KCNK12: variants seen among roughly 807,000 people sequenced by gnomAD.
The protein encoded by KCNK12 is potassium channel subfamily K member 12.
KCNK12 carries 6 observed loss-of-function variants against 25.3 expected under a neutral mutation model. The ratio of observed to expected loss-of-function variants is 0.24; its 90% CI spans 0.13 to 0.47. The LOEUF (loss-of-function observed/expected upper bound fraction) is 0.47, where lower values mean the gene tolerates loss of function less well. Ranked by LOEUF, KCNK12 falls within the 20% of genes least tolerant of loss-of-function variation. The probability of loss-of-function intolerance (pLI) is 0.99; values close to 1 mark genes in which losing one functional copy is unlikely to be tolerated. For missense variants in KCNK12, 444 were observed against 661.7 expected, an observed-to-expected ratio of 0.67 and a Z score of 3.61; for synonymous variants, 331 against 311.1, an observed-to-expected ratio of 1.06 and a Z score of -0.67.
chr2:47,534,432 G>GC (rs11406660), intron 1 of KCNK12, among the ~76,000 whole-genome samples: 78,885 of 117,220 alleles, frequency 0.67, 27,663 homozygotes, highest in East Asian at 0.86. Flanking sequence ...CCGTCTCCAG[G>GC]CCCCCCCCAC....
chr2:47,525,472 G>A lies in KCNK12; in HGVS notation c.392-3664C>T, dbSNP rs1258520197. On this transcript the variant is annotated intron_variant, in intron 1 of 1. Transcript: ENST00000327876. The surrounding 1 kb of genome is among the most constrained non-coding windows in gnomAD (Gnocchi z 4.1). ...CTGGGAGAACCCGGCAGTGTCCCCT[G>A]GAGTCCAGAGCTGTGCTGGAGAGTT... Among the ~76,000 whole-genome samples the A allele has an allele frequency of 1.3e-5, 2 of 152,230 alleles. No individual in the cohort carries two copies. Among genetic ancestry groups the A allele is most frequent in the African/African-American group, 2.4e-5 (1 of 41,462 alleles).
In KCNK12 at chr2:47,560,564, G is replaced by C. The variant is rs982451226; in HGVS notation, c.391+9377C>G. 6.6e-6 allele frequency among the ~76,000 whole-genome samples: 1 copy of C among 152,222 alleles called. No homozygotes were observed. On this transcript the variant is annotated intron_variant, in intron 1 of 1. Transcript: ENST00000327876. The surrounding 1 kb of genome is among the most constrained non-coding windows in gnomAD (Gnocchi z 4.7). ...AGACAGCAGAGATCTTGAGCAGTCA[G>C]GAGCCGTGGATCCTCTATTCTGCCA...
intron 1 of KCNK12, among the ~76,000 whole-genome samples, chr2:47,530,113 C>T (rs1026247635): frequency 4.6e-5 from 7 of 152,154 alleles, no homozygotes; most frequent in African/African-American, 1.7e-4. Context: ...ACCCAAGGCT[C>T]ACACAAGGCT....
In KCNK12 at chr2:47,516,155, C is replaced by T. The variant is rs142234854; in HGVS notation, c.*4752G>A. ...TTTCTAAGTGGACGCTCTTTCTACACCACCATAATGTGAGTGTTCTGTGTT... is the reference window on the plus strand; with the variant it reads ...TTTCTAAGTGGACGCTCTTTCTACATCACCATAATGTGAGTGTTCTGTGTT... On this transcript the variant is annotated 3_prime_UTR_variant, in exon 2 of 2. Coordinates refer to ENST00000327876, the MANE Select transcript of KCNK12 (RefSeq NM_022055.2). 1.7e-3 allele frequency among the ~76,000 whole-genome samples: 252 copies of T among 152,312 alleles called. No homozygotes were observed. Among genetic ancestry groups the T allele is most frequent in the East Asian group, 7.9e-3 (41 of 5,182 alleles).
At chr2:47,552,115 G>C (rs1669447338) in intron 1 of KCNK12, among the ~76,000 whole-genome samples, 1 of 152,182 alleles carries the variant, frequency 6.6e-6, no homozygotes, top group African/African-American at 2.4e-5. Flanking sequence ...AGCTATAAAA[G>C]AATAAGCTTT....
At position 47,560,723 on chromosome 2, in the gene KCNK12, A is replaced by G. The variant is rs956014505; in HGVS notation, c.391+9218T>C. Among the ~76,000 whole-genome samples, 7 of 152,234 alleles carry G rather than the reference A, an allele frequency of 4.6e-5. No individual in the cohort carries two copies. The highest frequency in any genetic ancestry group is 8.8e-5 in the Non-Finnish European group (6 of 68,032). On this transcript the variant is annotated intron_variant, in intron 1 of 1. Transcript: ENST00000327876. This position sits in a 1 kb window ranked among gnomAD's most constrained non-coding sequence, Gnocchi z 4.7. The stretch of plus-strand genomic sequence containing the variant: ...ACTGAGTAAACACAGATAAAAACAC[A>G]GTGAACTGGCAAACATGACATGTGG...
intron 1 of KCNK12, among the ~76,000 whole-genome samples, chr2:47,559,528 C>A (rs1669620818): frequency 6.6e-6 from 1 of 152,204 alleles, no homozygotes; most frequent in Non-Finnish European, 1.5e-5. Context: ...CAGAAATTAC[C>A]TCTTTGCTGC....
In KCNK12 at chr2:47,536,834, T is replaced by A. The variant is rs529041348; in HGVS notation, c.392-15026A>T. Among the ~76,000 whole-genome samples, 3 of 152,346 alleles carry A rather than the reference T, an allele frequency of 2.0e-5. No homozygotes were observed. In the South Asian group the frequency reaches 6.2e-4, roughly 32 times the overall value. ...GAAGTACTTCTATGACTGGGCATCT[T>A]AATTCTTAGCTGGAAGATGGGAACG... On this transcript the variant is annotated intron_variant, in intron 1 of 1. Transcript: ENST00000327876.
rs73929217 is a variant in KCNK12 at position 47,554,312 on chromosome 2, T to C, written c.391+15629A>G. On this transcript the variant is annotated intron_variant, in intron 1 of 1. Coordinates refer to ENST00000327876, the MANE Select transcript of KCNK12 (RefSeq NM_022055.2). Reference sequence around the variant, plus strand: ...CAGGATGATTTCCAAAAACGGTACATGTTCTAAGGACAATAAGGCAGAATA... The same window carrying C: ...CAGGATGATTTCCAAAAACGGTACACGTTCTAAGGACAATAAGGCAGAATA... 1.4e-3 allele frequency among the ~76,000 whole-genome samples: 219 copies of C among 152,258 alleles called. 2 individuals carry two copies. The highest frequency in any genetic ancestry group is 5.2e-3 in the African/African-American group (215 of 41,534).
In KCNK12 at chr2:47,555,697, G is replaced by T. The variant is rs72812341; in HGVS notation, c.391+14244C>A. 0.15 allele frequency among the ~76,000 whole-genome samples: 22,533 copies of T among 152,050 alleles called. 2,119 individuals are homozygous for T. The highest frequency in any genetic ancestry group is 0.25 in the African/African-American group (10,547 of 41,420). The stretch of plus-strand genomic sequence containing the variant: ...CTGTCTTTTAATTCAGGGCCCTAGC[G>T]GCTGAAAATAAGAAAATGTAGGGGA... On this transcript the variant is annotated intron_variant, in intron 1 of 1. Transcript: ENST00000327876. This position sits in a 1 kb window ranked among gnomAD's most constrained non-coding sequence, Gnocchi z 4.5.
chr2:47,526,984 A>G (rs1668794256), intron 1 of KCNK12, among the ~76,000 whole-genome samples: 1 of 152,118 alleles, frequency 6.6e-6, no homozygotes, highest in Non-Finnish European at 1.5e-5. Flanking sequence ...CCTATGGGGG[A>G]GAACAGCTCC....
chr2:47,569,522 T>C lies in KCNK12; in HGVS notation c.391+419A>G, dbSNP rs1669845866. Among the ~76,000 whole-genome samples the C allele has an allele frequency of 6.6e-6, 1 of 151,654 alleles. No homozygotes were observed. The highest frequency in any genetic ancestry group is 1.5e-5 in the Non-Finnish European group (1 of 67,940). ...TAAAAGAAGAAAGCGGGGGAGACTA[T>C]GAAAAGAAATAAAAGCGCCGAGGGT... On this transcript the variant is annotated intron_variant, in intron 1 of 1. Coordinates refer to ENST00000327876, the MANE Select transcript of KCNK12 (RefSeq NM_022055.2). This position sits in a 1 kb window ranked among gnomAD's most constrained non-coding sequence, Gnocchi z 4.1.
At position 47,546,441 on chromosome 2, in the gene KCNK12, A is replaced by G. The variant is rs1240942348; in HGVS notation, c.391+23500T>C. On this transcript the variant is annotated intron_variant, in intron 1 of 1. Coordinates refer to ENST00000327876, the MANE Select transcript of KCNK12 (RefSeq NM_022055.2). ...ATTCCTCGCATTTAAAGCGATTCTCATGTTTAAAAAGTTGGAAGCAGCCTA... is the reference window on the plus strand; with the variant it reads ...ATTCCTCGCATTTAAAGCGATTCTCGTGTTTAAAAAGTTGGAAGCAGCCTA... Among the ~76,000 whole-genome samples the G allele has an allele frequency of 2.0e-5, 3 of 152,182 alleles. No individual in the cohort carries two copies. The East Asian group carries it at 5.8e-4, about 29-fold the overall frequency.
rs1213585373 is a variant in KCNK12 at position 47,529,797 on chromosome 2, G to A, written c.392-7989C>T. On this transcript the variant is annotated intron_variant, in intron 1 of 1. Coordinates refer to ENST00000327876, the MANE Select transcript of KCNK12 (RefSeq NM_022055.2). The surrounding 1 kb of genome is among the most constrained non-coding windows in gnomAD (Gnocchi z 4.3). ...CTGGGCATGGCCCATGGCTCATTAGGGTTGCCAGGTAAAATACAGAACACC... is the reference window on the plus strand; with the variant it reads ...CTGGGCATGGCCCATGGCTCATTAGAGTTGCCAGGTAAAATACAGAACACC... Among the ~76,000 whole-genome samples, 1 of 152,118 alleles carries A rather than the reference G, an allele frequency of 6.6e-6. No homozygotes were observed. Among genetic ancestry groups the A allele is most frequent in the Non-Finnish European group, 1.5e-5 (1 of 68,028 alleles).
At chr2:47,542,127 G>A (rs572809236) in intron 1 of KCNK12, among the ~76,000 whole-genome samples, 2 of 152,300 alleles carry the variant, frequency 1.3e-5, no homozygotes, top group Admixed American at 6.5e-5. Context: ...GCAGGATAGG[G>A]GCAGCCAAGG....
rs996229980 is a variant in KCNK12, at chr2:47,560,232, G to A, written c.391+9709C>T. On this transcript the variant is annotated intron_variant, in intron 1 of 1. Transcript: ENST00000327876. This position sits in a 1 kb window ranked among gnomAD's most constrained non-coding sequence, Gnocchi z 4.7. ...GGTTCTCAGGTCTGGGCGGGAGCTC[G>A]GTCCTCTTCAACAAGTTCCCAGAGT... Among the ~76,000 whole-genome samples the A allele has an allele frequency of 4.4e-4, 67 of 152,286 alleles. No individual in the cohort carries two copies. Among genetic ancestry groups the A allele is most frequent in the African/African-American group, 1.6e-3 (66 of 41,568 alleles).
At chr2:47,549,746 C>T (rs1422033617) in intron 1 of KCNK12, among the ~76,000 whole-genome samples, 1 of 152,012 alleles carries the variant, frequency 6.6e-6, no homozygotes, top group Non-Finnish European at 1.5e-5. Flanking sequence ...CCAGCCTGGC[C>T]AAAATGGTGA....
rs1668831120 is a variant in KCNK12, at chr2:47,528,200, A to AGGGTCTC, written c.392-6399_392-6393dup. On this transcript the variant is annotated intron_variant, in intron 1 of 1. Transcript: ENST00000327876. This position sits in a 1 kb window ranked among gnomAD's most constrained non-coding sequence, Gnocchi z 4.5. ...AGAATGAAGGGACAGGTGAGGCAGA[A>AGGGTCTC]GGGTCTCCGACAGCGCACAGGGCAA... 6.6e-6 allele frequency: 1 copy of AGGGTCTC among 152,322 alleles called. No individual in the cohort carries two copies. Among genetic ancestry groups the AGGGTCTC allele is most frequent in the South Asian group, 2.1e-4 (1 of 4,830 alleles). 9.4% of individuals were successfully genotyped at this position (152,322 alleles called of 1,614,324 possible).
At chr2:47,536,494 T>G (rs549393350) in intron 1 of KCNK12, among the ~76,000 whole-genome samples, 1 of 152,174 alleles carries the variant, frequency 6.6e-6, no homozygotes, top group East Asian at 1.9e-4. Context: ...AGAAACATTG[T>G]CTCCATCTTA....
Sources: gnomAD v4.1 joint callset for allele counts (sites outside exome capture counted in the v4.1 genomes callset) on GRCh38, gnomAD v4.1.1 for gene constraint, Gnocchi (gnomAD v3.1) non-coding constraint, MANE v1.5 for transcripts, NCBI Gene and HGNC (gene_info 2026-07-23, HGNC 2026-07-21) for gene names.